FAM13C: variants seen among roughly 807,000 people sequenced by gnomAD.
FAM13C encodes the protein family with sequence similarity 13 member C.
In FAM13C, 37 loss-of-function variants were observed where a neutral mutation model predicts 73.2. The ratio of observed to expected loss-of-function variants is 0.51; its 90% confidence interval spans 0.39 to 0.67. FAM13C has a LOEUF of 0.67. Ranked by LOEUF, FAM13C falls within the 30% of genes least tolerant of loss-of-function variation. FAM13C has a pLI of 0.00. For synonymous variants in FAM13C, 246 were observed against 260.9 expected, an observed-to-expected ratio of 0.94 and a Z score of 0.55; for missense variants, 589 against 715.6, an observed-to-expected ratio of 0.82 and a Z score of 2.02.
chr10:59,248,902 A>C (rs1386487821), intron 13 of FAM13C, among the ~76,000 whole-genome samples: 1 of 152,202 alleles, frequency 6.6e-6, no homozygotes, highest in East Asian at 1.9e-4. Context: ...CATAGACAGC[A>C]TTCTTCTTAA....
At chr10:59,356,773 G>T (rs1212992965) in intron 1 of FAM13C, among the ~76,000 whole-genome samples, 2 of 152,162 alleles carry the variant, frequency 1.3e-5, no homozygotes, top group Non-Finnish European at 2.9e-5. Context: ...GTCTGTGAGG[G>T]TGTTGCCAAA....
intron 5 of FAM13C, among the ~76,000 whole-genome samples, chr10:59,285,629 C>A (rs558105001): frequency 6.6e-6 from 1 of 152,340 alleles, no homozygotes; most frequent in South Asian, 2.1e-4. Flanking sequence ...GGGACTTGAA[C>A]AGATATTCAT....
intron 11 of FAM13C, chr10:59,253,991 AT>A (rs1188377491): frequency 1.4e-4 from 38 of 263,048 alleles, no homozygotes; most frequent in Admixed American, 6.9e-4. Flanking sequence ...AAAGGAAAAA[AT>A]TAACCAACAC....
At chr10:59,285,791 G>A (rs567348762) in intron 5 of FAM13C, among the ~76,000 whole-genome samples, 137 of 152,338 alleles carry the variant, frequency 9.0e-4, no homozygotes, top group Middle Eastern at 3.4e-3. Context: ...AGGGTTAGAT[G>A]AGGAAGCAAT....
In FAM13C at chr10:59,264,986, C is replaced by A. The variant is rs73298131; in HGVS notation, c.943-820G>T. The stretch of plus-strand genomic sequence containing the variant: ...CTGAAATATGTGCATTGTTAATGAC[C>A]AAATCTAGGGGTTCTGTCATTTTTT... On this transcript the variant is annotated intron_variant, in intron 8 of 13. Transcript: ENST00000618804. Among the ~76,000 whole-genome samples, 770 of 151,876 alleles carry A rather than the reference C, an allele frequency of 5.1e-3. 6 individuals are homozygous for A. The highest frequency in any genetic ancestry group is 0.018 in the African/African-American group (734 of 41,414).
chr10:59,341,123 T>C (rs1360483314), intron 3 of FAM13C, among the ~76,000 whole-genome samples: 2 of 152,114 alleles, frequency 1.3e-5, no homozygotes, highest in Non-Finnish European at 2.9e-5. Flanking sequence ...GCACCTTTAG[T>C]AGGGTCAGTG....
Position 59,281,849 on chromosome 10 carries a change from C to G in FAM13C, c.592+1514G>C, listed in dbSNP as rs1450097693. ...ATTTTACTGAACACTTTGTCAGAAA[C>G]TTGTATAGTTAATCCAAATCATCAA... On this transcript the variant is annotated intron_variant, in intron 6 of 13. Coordinates refer to ENST00000618804, the MANE Select transcript of FAM13C (RefSeq NM_198215.4). Among the ~76,000 whole-genome samples, 5 of 152,170 alleles carry G rather than the reference C, an allele frequency of 3.3e-5. No homozygotes were observed. The East Asian group carries it at 9.6e-4, about 29-fold the overall frequency.
chr10:59,269,714 T>C (rs1031760637), intron 7 of FAM13C, among the ~76,000 whole-genome samples, 185 bp downstream of exon 7: 1 of 149,638 alleles, frequency 6.7e-6, no homozygotes, highest in Non-Finnish European at 1.5e-5. Flanking sequence ...CCTCTTGAGG[T>C]ATCAAGGCCT....
intron 9 of FAM13C, chr10:59,263,829 A>G: frequency 2.1e-6 from 1 of 467,680 alleles, no homozygotes; most frequent in East Asian, 3.9e-5. Context: ...ACATGTTGAA[A>G]TGTTCCTGGC....
intron 3 of FAM13C, among the ~76,000 whole-genome samples, chr10:59,336,732 T>C (rs1022498187): frequency 3.9e-5 from 6 of 152,214 alleles, no homozygotes; most frequent in Admixed American, 6.5e-5. Flanking sequence ...ACAAATATCT[T>C]CTATAGGGAG....
At chr10:59,265,338 T>G (rs1238903250) in intron 8 of FAM13C, among the ~76,000 whole-genome samples, 2 of 28,358 alleles carry the variant, frequency 7.1e-5, no homozygotes, top group Non-Finnish European at 1.3e-4. Context: ...GGGGGGGGAA[T>G]CCTGGTTTCA....
chr10:59,300,518 G>A (rs932364889), intron 5 of FAM13C, among the ~76,000 whole-genome samples: 1 of 152,132 alleles, frequency 6.6e-6, no homozygotes, highest in African/African-American at 2.4e-5. Context: ...TACCTTACAT[G>A]TTTATTTAGA....
chr10:59,277,832 T>C (rs1844488883), intron 6 of FAM13C, among the ~76,000 whole-genome samples: 1 of 152,224 alleles, frequency 6.6e-6, no homozygotes, highest in Non-Finnish European at 1.5e-5. Context: ...ATGAAGAGTT[T>C]AGGCTATGGA....
intron 5 of FAM13C, among the ~76,000 whole-genome samples, chr10:59,292,776 A>T (rs538600746): frequency 6.6e-6 from 1 of 152,208 alleles, no homozygotes; most frequent in Non-Finnish European, 1.5e-5. Context: ...TGATACATAC[A>T]TAGTGATCAA....
At chr10:59,266,101 A>G (rs1247074085) in intron 8 of FAM13C, among the ~76,000 whole-genome samples, 1 of 152,194 alleles carries the variant, frequency 6.6e-6, no homozygotes, top group Non-Finnish European at 1.5e-5. Flanking sequence ...GGCTAGAACT[A>G]TTCTTTGCTG....
At chr10:59,295,580 G>A (rs1000389707) in intron 5 of FAM13C, among the ~76,000 whole-genome samples, 5 of 152,168 alleles carry the variant, frequency 3.3e-5, no homozygotes, top group Admixed American at 3.3e-4. Flanking sequence ...ACCCCAGCCA[G>A]TGCCTAGATT....
chr10:59,294,100 T>C (rs1846611840), intron 5 of FAM13C, among the ~76,000 whole-genome samples: 1 of 152,156 alleles, frequency 6.6e-6, no homozygotes, highest in Non-Finnish European at 1.5e-5. Context: ...AATTTCTAAG[T>C]GAAAGGTTGT....
At chr10:59,311,606 C>T (rs2133934674) in intron 4 of FAM13C, among the ~76,000 whole-genome samples, 1 of 152,324 alleles carries the variant, frequency 6.6e-6, no homozygotes, top group African/African-American at 2.4e-5. Context: ...TTCTGCCCAC[C>T]TCAAGCCTCT....
chr10:59,323,617 C>T (rs1221536890), intron 4 of FAM13C, among the ~76,000 whole-genome samples: 2 of 152,154 alleles, frequency 1.3e-5, no homozygotes, highest in African/African-American at 4.8e-5. Flanking sequence ...AAATCAGTTG[C>T]TATGGTGCCT....
Sources: gnomAD v4.1 joint callset for allele counts (sites outside exome capture counted in the v4.1 genomes callset) on GRCh38, gnomAD v4.1.1 for gene constraint, MANE v1.5 for transcripts, NCBI Gene and HGNC (gene_info 2026-07-23, HGNC 2026-07-21) for gene names.